Variants in RINT1 observed in about 807,000 individuals in gnomAD.
The protein encoded by RINT1 is RAD50 interactor 1.
RINT1 carries 75 observed loss-of-function variants against 97.7 expected under a neutral mutation model. That is an observed-to-expected ratio of 0.77 (90% CI 0.64 to 0.93). The LOEUF (loss-of-function observed/expected upper bound fraction) is 0.93, where lower values mean the gene tolerates loss of function less well. Ranked by LOEUF, RINT1 falls within the 40% of genes least tolerant of loss-of-function variation. RINT1 has a pLI of 0.00. For synonymous variants in RINT1, 303 were observed against 326.3 expected (o/e 0.93, Z 0.77); for missense variants, 892 against 925.2 (o/e 0.96, Z 0.47).
intron 4 of RINT1, among the ~76,000 whole-genome samples, chr7:105,544,120 CAA>C (rs913639569): frequency 6.6e-6 from 1 of 151,204 alleles, no homozygotes; most frequent in Admixed American, 6.6e-5. Flanking sequence ...ACAAAAAAAA[CAA>C]AAAAACTTTG....
In RINT1 at chr7:105,548,599, T is replaced by C. The variant is rs1790784937; in HGVS notation, c.885T>C (p.Ser295=). ...CAAAGCAACTCCCAGAAAAATACTC[T>C]CTTCCTGCCTCCCCTTCTGTCATCC... is the stretch of plus-strand genomic sequence containing the variant. ...TEPKQLPEKY[S]LPASPSVILP... Residue 295 remains serine (S), a synonymous_variant, in exon 7 of 15, where the codon TCT becomes TCC. Transcript: ENST00000257700. The C allele has an allele frequency of 6.2e-7, 1 of 1,614,038 alleles. No homozygotes were observed. The highest frequency in any genetic ancestry group is 8.5e-7 in the Non-Finnish European group (1 of 1,180,014).
In RINT1 at chr7:105,536,733, T is replaced by A. The variant is rs1790252190; in HGVS notation, c.257T>A (p.Met86Lys). ...ATAGAACAGAGGACAGTAAGTAAAATGCAGTTAGAAGAACAGGTAAGTATT... is the reference window on the plus strand; with the variant it reads ...ATAGAACAGAGGACAGTAAGTAAAAAGCAGTTAGAAGAACAGGTAAGTATT... ...KLIEQRTVSK[M>K]QLEEQVLTIS... is the part of the protein sequence containing the mutation. Residue 86 changes from methionine to lysine, a missense_variant, in exon 3 of 15, where the codon ATG becomes AAG. By Grantham distance (95) the Met-to-Lys change is moderately conservative. Coordinates refer to ENST00000257700, the MANE Select transcript of RINT1 (RefSeq NM_021930.6). The A allele has an allele frequency of 6.3e-7, 1 of 1,595,894 alleles. No individual in the cohort carries two copies. Among genetic ancestry groups the A allele is most frequent in the Admixed American group, 1.8e-5 (1 of 56,394 alleles).
chr7:105,557,215 A>AAAAT (rs1350320363), intron 11 of RINT1, among the ~76,000 whole-genome samples: 1 of 152,098 alleles, frequency 6.6e-6, no homozygotes, highest in African/African-American at 2.4e-5. Context: ...ATTGTGTCAT[A>AAAAT]AAATGAAAAC....
At chr7:105,553,799 C>T (rs1301950293) in intron 10 of RINT1, among the ~76,000 whole-genome samples, 2 of 150,708 alleles carry the variant, frequency 1.3e-5, no homozygotes, top group East Asian at 4.0e-4. Context: ...CGGCTCACTG[C>T]AAGCTCCACC....
intron 11 of RINT1, 63 bp from the exon 12 acceptor site, chr7:105,563,670 G>T: frequency 7.5e-7 from 1 of 1,331,398 alleles, no homozygotes; most frequent in South Asian, 1.2e-5. Flanking sequence ...TATGACATAT[G>T]AATTCTATTT....
intron 7 of RINT1, among the ~76,000 whole-genome samples, chr7:105,549,019 G>T (rs1212530152): frequency 6.7e-6 from 1 of 149,868 alleles, no homozygotes; most frequent in Admixed American, 6.7e-5. Flanking sequence ...TTGGAGTCTC[G>T]CTCTGTCACC....
chr7:105,533,666 G>C (rs1463246930), intron 2 of RINT1, among the ~76,000 whole-genome samples: 1 of 152,188 alleles, frequency 6.6e-6, no homozygotes, highest in Non-Finnish European at 1.5e-5. Context: ...GCGGCTGATA[G>C]AATCTGCCTC....
chr7:105,560,393 G>C (rs540070913), intron 11 of RINT1, among the ~76,000 whole-genome samples: 11 of 152,248 alleles, frequency 7.2e-5, no homozygotes, highest in African/African-American at 2.6e-4. Flanking sequence ...GTTAAAAGGG[G>C]AAAAGTTGCC....
At position 105,532,574 on chromosome 7, in the gene RINT1, G is replaced by A. The variant is rs368779788; in HGVS notation, c.42+217G>A. Among the ~76,000 whole-genome samples, 11 of 152,302 alleles carry A rather than the reference G, an allele frequency of 7.2e-5. No homozygotes were observed. The East Asian group carries it at 1.5e-3, about 21-fold the overall frequency. ...TGGTGAGATGACAGATTTCTCTAGG[G>A]AGGTGGCTCTAGTGAGCAGGCAAGG... is the stretch of plus-strand genomic sequence containing the variant. On this transcript the variant is annotated intron_variant, in intron 1 of 14. Coordinates refer to ENST00000257700, the MANE Select transcript of RINT1 (RefSeq NM_021930.6).
intron 9 of RINT1, among the ~76,000 whole-genome samples, chr7:105,550,694 A>G (rs1790889508): frequency 6.6e-6 from 1 of 152,110 alleles, no homozygotes; most frequent in Non-Finnish European, 1.5e-5. Flanking sequence ...ATATTTCTAG[A>G]GTGGAATAGT....
chr7:105,545,402 G>A (rs546814759), intron 4 of RINT1, among the ~76,000 whole-genome samples: 9 of 150,152 alleles, frequency 6.0e-5, no homozygotes, highest in Non-Finnish European at 1.0e-4. Context: ...GCAATGAGCC[G>A]TGATTGTACC....
chr7:105,556,954 G>A (rs542051341), intron 11 of RINT1, among the ~76,000 whole-genome samples: 1 of 152,232 alleles, frequency 6.6e-6, no homozygotes, highest in African/African-American at 2.4e-5. Context: ...CTCCCTTCTT[G>A]AACAGGGTGC....
At chr7:105,563,115 T>C (rs1791511809) in intron 11 of RINT1, among the ~76,000 whole-genome samples, 2 of 152,042 alleles carry the variant, frequency 1.3e-5, no homozygotes, top group South Asian at 4.1e-4. Flanking sequence ...CGTGTTACAA[T>C]ATGGATAGAC....
At chr7:105,555,391 A>G in intron 11 of RINT1, 164 bp downstream of exon 11, 1 of 538,348 alleles carries the variant, frequency 1.9e-6, no homozygotes, top group East Asian at 3.0e-5. Flanking sequence ...TTCTCAATCA[A>G]ATCTCAAGTA....
At chr7:105,534,563 A>G (rs1790154095) in intron 2 of RINT1, among the ~76,000 whole-genome samples, 1 of 149,304 alleles carries the variant, frequency 6.7e-6, no homozygotes, top group Non-Finnish European at 1.5e-5. Context: ...ATTATATATA[A>G]TTATATAGTA....
At chr7:105,542,961 T>TGCAA (rs1323349436) in intron 4 of RINT1, among the ~76,000 whole-genome samples, 1 of 151,828 alleles carries the variant, frequency 6.6e-6, no homozygotes, top group Non-Finnish European at 1.5e-5. Flanking sequence ...CTCGGCTCAC[T>TGCAA]GCAAGCTACA....
Position 105,548,670 on chromosome 7 carries a change from A to G in RINT1, c.956A>G (p.Tyr319Cys). 1 of 1,614,154 alleles carries G rather than the reference A, an allele frequency of 6.2e-7. No individual in the cohort carries two copies. Among genetic ancestry groups the G allele is most frequent in the Non-Finnish European group, 8.5e-7 (1 of 1,180,024 alleles). Residue 319 changes from tyrosine to cysteine, a missense_variant, in exon 7 of 15, where the codon TAT becomes TGT. Physicochemically the swap from Tyr to Cys is radical, Grantham distance 194 (BLOSUM62 -2). Coordinates refer to ENST00000257700, the MANE Select transcript of RINT1 (RefSeq NM_021930.6). ...MLTPLQKRFR[Y>C]HFRGNRQTNV... ...ACTCCTCTTCAGAAGAGGTTCAGGT[A>G]TCACTTCAGAGGGAACCGGCAGACT...
intron 4 of RINT1, among the ~76,000 whole-genome samples, chr7:105,543,111 C>T (rs994724510): frequency 1.2e-4 from 18 of 151,882 alleles, no homozygotes; most frequent in Admixed American, 1.3e-4. Flanking sequence ...AGGATGGTCT[C>T]GATCTCTTGA....
At chr7:105,533,246 T>C (rs1260842550) in intron 2 of RINT1, among the ~76,000 whole-genome samples, 10 of 152,092 alleles carry the variant, frequency 6.6e-5, no homozygotes, top group African/African-American at 1.4e-4. Flanking sequence ...ACCACCCTAA[T>C]TGGGTTCAAA....
Sources: gnomAD v4.1 joint callset for allele counts (sites outside exome capture counted in the v4.1 genomes callset) on GRCh38, gnomAD v4.1.1 for gene constraint, MANE v1.5 for transcripts, NCBI Gene and HGNC (gene_info 2026-07-23, HGNC 2026-07-21) for gene names.